The following LRP1B variants were observed in gnomAD, a reference collection of about 807,000 sequenced individuals.
The protein encoded by LRP1B is LDL receptor related protein 1B.
A neutral mutation model predicts 556.6 loss-of-function variants in LRP1B; 217 were observed. That is an observed-to-expected ratio of 0.39 (90% CI 0.35 to 0.44). The LOEUF (loss-of-function observed/expected upper bound fraction) is 0.44. Among genes scored for constraint, LRP1B ranks in the 20% least tolerant of loss-of-function variants. LRP1B has a pLI of 1.00. For missense variants in LRP1B, 5,053 were observed against 5,620.8 expected, an observed-to-expected ratio of 0.90 and a Z score of 3.23; for synonymous variants, 2,047 against 1,865.8, an observed-to-expected ratio of 1.10 and a Z score of -2.50.
chr2:140,232,909 T>C lies in LRP1B; in HGVS notation c.*277A>G, dbSNP rs1573658110. On this transcript the variant is annotated 3_prime_UTR_variant, in exon 91 of 91. Coordinates refer to ENST00000389484, the MANE Select transcript of LRP1B (RefSeq NM_018557.3). ...CATATTCACACTACAAAGGAATACG[T>C]TGTTTTTAATTTTAACAAATTCAAA... 1 of 240,262 alleles carries C rather than the reference T, an allele frequency of 4.2e-6. No homozygotes were observed. The highest frequency in any genetic ancestry group is 5.5e-5 in the Admixed American group (1 of 18,234). 14.9% of individuals were successfully genotyped at this position (240,262 alleles called of 1,614,324 possible).
chr2:141,131,430 T>TATATATATATATATATATATATG (rs67252411), intron 7 of LRP1B, among the ~76,000 whole-genome samples: 1 of 146,020 alleles, frequency 6.8e-6, no homozygotes. Context: ...TATATATATA[T>TATATATATATATATATATATATG]TTGCTCTTAG....
At chr2:140,840,812 T>A (rs1027718423) in intron 30 of LRP1B, 106 bp downstream of exon 30, 17 of 774,644 alleles carry the variant, frequency 2.2e-5, no homozygotes, top group African/African-American at 1.3e-4. Flanking sequence ...TTAACTCTTA[T>A]GGCTGTTATA....
chr2:141,679,955 TTAAGA>T (rs1023129915), intron 2 of LRP1B, among the ~76,000 whole-genome samples: 26 of 151,752 alleles, frequency 1.7e-4, no homozygotes, highest in African/African-American at 6.3e-4. Flanking sequence ...TATATCTATC[TTAAGA>T]TAATAGTCAA....
chr2:141,224,746 G>A (rs1016554583), intron 6 of LRP1B, among the ~76,000 whole-genome samples: 5 of 150,624 alleles, frequency 3.3e-5, no homozygotes, highest in African/African-American at 1.2e-4. Flanking sequence ...ATGTTCTCAC[G>A]TTCAAGTGGG....
rs112429168 is a variant in LRP1B, at chr2:141,473,376, G to A, written c.343+7020C>T. ...GTCAATATAAACAATAGTGGTATAGGTCTTTCAAAAGGATGAAACACCTAT... is the reference window on the plus strand; with the variant it reads ...GTCAATATAAACAATAGTGGTATAGATCTTTCAAAAGGATGAAACACCTAT... On this transcript the variant is annotated intron_variant, in intron 3 of 90. Coordinates refer to ENST00000389484, the MANE Select transcript of LRP1B (RefSeq NM_018557.3). 5.5e-3 allele frequency among the ~76,000 whole-genome samples: 842 copies of A among 152,158 alleles called. 11 individuals carry two copies. The highest frequency in any genetic ancestry group is 0.019 in the African/African-American group (789 of 41,502).
At chr2:140,335,560 T>G in intron 78 of LRP1B, 55 bp downstream of exon 78, 1 of 1,068,798 alleles carries the variant, frequency 9.4e-7, no homozygotes, top group South Asian at 1.3e-5. Context: ...TAGAGCATAA[T>G]TTCTAAAAAG....
intron 3 of LRP1B, among the ~76,000 whole-genome samples, chr2:141,373,544 T>A (rs1689312853): frequency 6.6e-6 from 1 of 152,080 alleles, no homozygotes; most frequent in African/African-American, 2.4e-5. Flanking sequence ...CATATATATT[T>A]AGAGTTGTTG....
intron 2 of LRP1B, among the ~76,000 whole-genome samples, chr2:141,552,297 C>T (rs144102630): frequency 4.6e-5 from 7 of 152,060 alleles, no homozygotes; most frequent in Non-Finnish European, 7.4e-5. Flanking sequence ...CCTTCCCAAG[C>T]GTTTTAATTT....
chr2:140,669,352 C>G lies in LRP1B; in HGVS notation c.6799+30898G>C, dbSNP rs118092184. Among the ~76,000 whole-genome samples the G allele has an allele frequency of 6.4e-4, 97 of 152,198 alleles. No homozygotes were observed. In the East Asian group the frequency reaches 0.016, roughly 25 times the overall value. On this transcript the variant is annotated intron_variant, in intron 41 of 90. Coordinates refer to ENST00000389484, the MANE Select transcript of LRP1B (RefSeq NM_018557.3). ...TTTATTCTTTATTGGGTCTACAGATCTACAAGTCACACAACCATATTAGGA... is the reference window on the plus strand; with the variant it reads ...TTTATTCTTTATTGGGTCTACAGATGTACAAGTCACACAACCATATTAGGA...
At chr2:140,477,848 G>A (rs1011076903) in intron 59 of LRP1B, among the ~76,000 whole-genome samples, 9 of 151,852 alleles carry the variant, frequency 5.9e-5, no homozygotes, top group Admixed American at 5.9e-4. Flanking sequence ...TTTCTTACTG[G>A]GCCCAAATAT....
At chr2:141,622,989 A>C (rs1414777680) in intron 2 of LRP1B, among the ~76,000 whole-genome samples, 3 of 152,226 alleles carry the variant, frequency 2.0e-5, no homozygotes, top group Non-Finnish European at 4.4e-5. Flanking sequence ...AATGATGCTG[A>C]TTATCAGCAT....
chr2:140,884,995 G>A (rs1693591969), intron 24 of LRP1B, among the ~76,000 whole-genome samples: 1 of 152,170 alleles, frequency 6.6e-6, no homozygotes, highest in South Asian at 2.1e-4. Flanking sequence ...TTACAAGCAT[G>A]AGCCACTGTG....
intron 1 of LRP1B, among the ~76,000 whole-genome samples, chr2:141,892,180 T>C (rs1484539171): frequency 2.6e-5 from 4 of 151,688 alleles, no homozygotes; most frequent in Non-Finnish European, 5.9e-5. Flanking sequence ...GAATGAGGGA[T>C]CAAATACAAA....
chr2:141,633,769 T>C (rs1045513100), intron 2 of LRP1B, among the ~76,000 whole-genome samples: 2 of 135,642 alleles, frequency 1.5e-5, no homozygotes, highest in African/African-American at 5.1e-5. Flanking sequence ...CTTATTTTTA[T>C]GAATATTCAC....
At position 141,920,281 on chromosome 2, in the gene LRP1B, G is replaced by A. The variant is rs867557476; in HGVS notation, c.83-109880C>T. Among the ~76,000 whole-genome samples, 3 of 110,400 alleles carry A rather than the reference G, an allele frequency of 2.7e-5. No homozygotes were observed. In the East Asian group the frequency reaches 8.7e-4, roughly 32 times the overall value. The allele number at this position is 110,400 out of a possible 152,430, so 72.4% of individuals were successfully genotyped here. On this transcript the variant is annotated intron_variant, in intron 1 of 90. Transcript: ENST00000389484. The stretch of plus-strand genomic sequence containing the variant: ...TCAATTTTTTTCTTCTTTTTTTTTG[G>A]GGGGGGGTGGTAGGGATAATCATTT...
intron 1 of LRP1B, among the ~76,000 whole-genome samples, chr2:141,925,146 A>G (rs1249273864): frequency 1.3e-5 from 2 of 152,196 alleles, no homozygotes; most frequent in Non-Finnish European, 2.9e-5. Context: ...TTCTTTCTCA[A>G]TAGGAGATAT....
intron 7 of LRP1B, among the ~76,000 whole-genome samples, chr2:141,067,066 G>A (rs1699499615): frequency 6.6e-6 from 1 of 151,806 alleles, no homozygotes; most frequent in South Asian, 2.1e-4. Context: ...TGTTTTTATA[G>A]TAACTTAGTG....
intron 2 of LRP1B, among the ~76,000 whole-genome samples, chr2:141,573,683 T>G (rs1239849406): frequency 8.9e-6 from 1 of 112,134 alleles, no homozygotes; most frequent in East Asian, 2.5e-4. Context: ...TTGAAAAAAA[T>G]CAAAAAAATA....
At chr2:140,576,157 A>T (rs1681517763) in intron 43 of LRP1B, among the ~76,000 whole-genome samples, 1 of 152,144 alleles carries the variant, frequency 6.6e-6, no homozygotes, top group Admixed American at 6.5e-5. Flanking sequence ...TAAAGAATTT[A>T]AAAGCCACTA....
Sources: gnomAD v4.1 joint callset for allele counts (sites outside exome capture counted in the v4.1 genomes callset) on GRCh38, gnomAD v4.1.1 for gene constraint, MANE v1.5 for transcripts, NCBI Gene and HGNC (gene_info 2026-07-23, HGNC 2026-07-21) for gene names.